Variants in GRM8 observed in about 807,000 individuals in gnomAD.
GRM8 encodes glutamate metabotropic receptor 8.
In GRM8, 47 loss-of-function variants were observed where a neutral mutation model predicts 87.2. The ratio of observed to expected loss-of-function variants is 0.54; its 90% confidence interval spans 0.43 to 0.69. The LOEUF is 0.69. Among genes scored for constraint, GRM8 ranks in the 30% least tolerant of loss-of-function variants. The pLI, the probability that GRM8 is intolerant of heterozygous loss-of-function variation, is 0.00. For missense variants in GRM8, 1,019 were observed against 1,139.2 expected (o/e 0.89, Z 1.52); for synonymous variants, 396 against 404.5 (o/e 0.98, Z 0.25).
intron 6 of GRM8, among the ~76,000 whole-genome samples, chr7:126,852,627 T>C (rs1464511183): frequency 6.6e-6 from 1 of 152,164 alleles, no homozygotes; most frequent in African/African-American, 2.4e-5. Context: ...TAATAAACCT[T>C]CTTAGAAATC....
chr7:127,031,286 G>C (rs189762820), intron 3 of GRM8, among the ~76,000 whole-genome samples: 62 of 151,988 alleles, frequency 4.1e-4, no homozygotes, highest in Middle Eastern at 3.4e-3. Context: ...GTATCTAGAG[G>C]CTTTAAAAAT....
At chr7:126,857,649 T>G (rs1797802766) in intron 6 of GRM8, among the ~76,000 whole-genome samples, 1 of 152,216 alleles carries the variant, frequency 6.6e-6, no homozygotes, top group Admixed American at 6.5e-5. Context: ...CTTCTCTGTC[T>G]TATTCATCCT....
At chr7:127,184,456 T>C (rs1794637026) in intron 2 of GRM8, among the ~76,000 whole-genome samples, 1 of 151,918 alleles carries the variant, frequency 6.6e-6, no homozygotes, top group African/African-American at 2.4e-5. Context: ...TATATCCGTG[T>C]ATAATAAAAA....
chr7:127,009,728 T>G (rs1440206103), intron 3 of GRM8, among the ~76,000 whole-genome samples: 1 of 152,170 alleles, frequency 6.6e-6, no homozygotes, highest in Non-Finnish European at 1.5e-5. Flanking sequence ...ATCCAGATTT[T>G]TTTTTTCTTT....
At chr7:126,551,278 G>T (rs914800489) in intron 8 of GRM8, among the ~76,000 whole-genome samples, 1 of 151,946 alleles carries the variant, frequency 6.6e-6, no homozygotes, top group South Asian at 2.1e-4. Context: ...AAATCTAATG[G>T]CCTCTTTTCT....
intron 10 of GRM8, 111 bp downstream of exon 10, chr7:126,446,015 G>A: frequency 8.0e-7 from 1 of 1,251,786 alleles, no homozygotes. Context: ...GTACCATCAT[G>A]CCCCTGGAAA....
chr7:126,452,811 T>A (rs1248022450), intron 9 of GRM8, among the ~76,000 whole-genome samples: 2 of 151,696 alleles, frequency 1.3e-5, no homozygotes, highest in East Asian at 2.0e-4. Context: ...TCAAAACAAG[T>A]TAACTGTATA....
intron 6 of GRM8, among the ~76,000 whole-genome samples, chr7:126,887,662 T>C (rs1395503855): frequency 2.0e-5 from 3 of 152,094 alleles, no homozygotes; most frequent in Non-Finnish European, 2.9e-5. Flanking sequence ...CTGAAGTTAT[T>C]AAGAATTGAA....
chr7:127,098,928 A>C (rs1042698169), intron 3 of GRM8, among the ~76,000 whole-genome samples: 1 of 152,338 alleles, frequency 6.6e-6, no homozygotes, highest in African/African-American at 2.4e-5. Flanking sequence ...ATACTGTGCA[A>C]ATCTACAATG....
intron 3 of GRM8, among the ~76,000 whole-genome samples, chr7:127,073,848 C>G (rs1821979662): frequency 6.6e-6 from 1 of 152,148 alleles, no homozygotes; most frequent in African/African-American, 2.4e-5. Context: ...TCCAACTAGA[C>G]AGAAAGTCCT....
chr7:126,825,950 T>A (rs1794742076), intron 6 of GRM8, among the ~76,000 whole-genome samples: 2 of 149,282 alleles, frequency 1.3e-5, no homozygotes, highest in African/African-American at 4.9e-5. Flanking sequence ...AATTCCCATC[T>A]ATGAATGAGA....
intron 6 of GRM8, among the ~76,000 whole-genome samples, chr7:126,804,568 T>C (rs1286568173): frequency 6.6e-6 from 1 of 152,218 alleles, no homozygotes; most frequent in Non-Finnish European, 1.5e-5. Flanking sequence ...TCCACCTTTA[T>C]CTAACAGATG....
intron 9 of GRM8, among the ~76,000 whole-genome samples, chr7:126,479,777 T>C (rs1584761934): frequency 6.6e-6 from 1 of 151,984 alleles, no homozygotes; most frequent in Non-Finnish European, 1.5e-5. Context: ...GACAGATAGA[T>C]AGATAGAACC....
Position 126,987,169 on chromosome 7 carries a change from C to T in GRM8, c.728-82486G>A, listed in dbSNP as rs1812154205. ...CTGATTTAATATAAAGGTGTTATAG[C>T]TTTTAGTCGTGTAAAAAACTTTTCT... On this transcript the variant is annotated intron_variant, in intron 3 of 10. Transcript: ENST00000339582. 3.9e-5 allele frequency among the ~76,000 whole-genome samples: 6 copies of T among 152,122 alleles called. No homozygotes were observed. In the South Asian group the frequency reaches 8.3e-4, roughly 21 times the overall value.
At position 126,616,681 on chromosome 7, in the gene GRM8, T is replaced by G. The variant is rs190804570; in HGVS notation, c.1358-7183A>C. On this transcript the variant is annotated intron_variant, in intron 7 of 10. Coordinates refer to ENST00000339582, the MANE Select transcript of GRM8 (RefSeq NM_000845.3). Reference sequence around the variant, plus strand: ...AGAATCAAATAAACGCAATAAAAAATGATAAAGGGGATATCACCACCAATC... The same window carrying G: ...AGAATCAAATAAACGCAATAAAAAAGGATAAAGGGGATATCACCACCAATC... Among the ~76,000 whole-genome samples the G allele has an allele frequency of 8.7e-3, 1,323 of 152,116 alleles. 14 individuals are homozygous for G. Among genetic ancestry groups the G allele is most frequent in the Middle Eastern group, 0.024 (7 of 294 alleles).
intron 2 of GRM8, among the ~76,000 whole-genome samples, chr7:127,162,171 A>G (rs1479647091): frequency 6.6e-6 from 1 of 152,184 alleles, no homozygotes; most frequent in East Asian, 1.9e-4. Flanking sequence ...TTTCTCCCAG[A>G]ACTAAGATAT....
intron 6 of GRM8, among the ~76,000 whole-genome samples, chr7:126,831,363 G>A (rs941373041): frequency 1.3e-5 from 2 of 152,332 alleles, no homozygotes; most frequent in South Asian, 4.1e-4. Context: ...CACCCAGTTC[G>A]AGCTTCCCGG....
At chr7:126,586,450 C>A (rs1322398954) in intron 8 of GRM8, among the ~76,000 whole-genome samples, 1 of 152,126 alleles carries the variant, frequency 6.6e-6, no homozygotes, top group East Asian at 1.9e-4. Flanking sequence ...CTATAGTAAC[C>A]AAAACAGCAT....
At chr7:126,572,301 A>G (rs1026978515) in intron 8 of GRM8, among the ~76,000 whole-genome samples, 1 of 152,210 alleles carries the variant, frequency 6.6e-6, no homozygotes, top group Non-Finnish European at 1.5e-5. Context: ...CATCCCACAG[A>G]GTATTATTTG....
Sources: allele counts gnomAD v4.1 joint callset (sites outside exome capture counted in the v4.1 genomes callset), GRCh38; gene constraint gnomAD v4.1.1; transcripts MANE v1.5; gene names NCBI Gene and HGNC (gene_info 2026-07-23, HGNC 2026-07-21).